Variants in SLC17A5 observed in about 807,000 individuals in gnomAD.
The protein encoded by SLC17A5 is solute carrier family 17 member 5.
SLC17A5 carries 47 observed loss-of-function variants against 59.4 expected under a neutral mutation model. The observed-to-expected ratio is 0.79, with a 90% confidence interval of 0.63 to 1.01. The LOEUF (loss-of-function observed/expected upper bound fraction) is 1.01. Among genes scored for constraint, SLC17A5 ranks in the 50% least tolerant of loss-of-function variants. The probability of loss-of-function intolerance (pLI) is 0.00; values close to 1 mark genes in which losing one functional copy is unlikely to be tolerated. For synonymous variants in SLC17A5, 202 were observed against 210.7 expected (o/e 0.96, Z 0.36); for missense variants, 522 against 595.5 (o/e 0.88, Z 1.28).
chr6:73,623,662 T>TTATATTTA (rs1405918135), intron 6 of SLC17A5, among the ~76,000 whole-genome samples: 1 of 136,698 alleles, frequency 7.3e-6, no homozygotes, highest in Non-Finnish European at 1.6e-5. Flanking sequence ...TGTCTTTTAT[T>TTATATTTA]TTTATTTATT....
At chr6:73,645,990 T>A (rs1769542855) in intron 1 of SLC17A5, among the ~76,000 whole-genome samples, 1 of 152,122 alleles carries the variant, frequency 6.6e-6, no homozygotes, top group South Asian at 2.1e-4. Flanking sequence ...AACCTCTTAG[T>A]AACAAAGAGA....
chr6:73,626,537 A>G (rs1187938678), intron 6 of SLC17A5, among the ~76,000 whole-genome samples: 1 of 152,228 alleles, frequency 6.6e-6, no homozygotes, highest in East Asian at 1.9e-4. Context: ...AAATGTTACT[A>G]GGAGAAACTA....
At chr6:73,632,033 G>A (rs567200) in intron 6 of SLC17A5, among the ~76,000 whole-genome samples, 20,252 of 110,448 alleles carry the variant, frequency 0.18, 2,338 homozygotes, top group African/African-American at 0.33. Flanking sequence ...GTTGTACAAG[G>A]TGACTCATGC....
Position 73,621,842 on chromosome 6 carries a change from T to A in SLC17A5, c.940A>T (p.Thr314Ser). Residue 314 changes from threonine to serine, a missense_variant, in exon 7 of 11, where the codon ACT becomes TCT. Around this residue, in one of 3 missense-constraint regions of SLC17A5, gnomAD observed 31 missense variants for 63.2 expected, o/e 0.49. Coordinates refer to ENST00000355773, the MANE Select transcript of SLC17A5 (RefSeq NM_012434.5). ...AACCTTAGGATCTCCTTCATATAAG[T>A]AGGCAATAATGTCAATAAAGTATAA... is the stretch of plus-strand genomic sequence containing the variant. Reference protein sequence around the residue: ...TFYTLLTLLPTYMKEILRFNV... With the variant: ...TFYTLLTLLPSYMKEILRFNV... 1 of 1,612,772 alleles carries A rather than the reference T, an allele frequency of 6.2e-7. No individual in the cohort carries two copies.
At chr6:73,650,272 G>A (rs2150125190) in intron 1 of SLC17A5, among the ~76,000 whole-genome samples, 1 of 151,616 alleles carries the variant, frequency 6.6e-6, no homozygotes, top group African/African-American at 2.4e-5. Context: ...CACTCTGGGA[G>A]GCCGAGGCAG....
chr6:73,619,296 T>C (rs1768024879), intron 7 of SLC17A5, among the ~76,000 whole-genome samples: 1 of 152,112 alleles, frequency 6.6e-6, no homozygotes, highest in Non-Finnish European at 1.5e-5. Context: ...GCACAAATCT[T>C]CAATTCATAA....
rs577447297 is a variant in SLC17A5 at position 73,594,175 on chromosome 6, C to G, written c.*902G>C. The G allele has an allele frequency of 2.0e-5, 3 of 152,196 alleles. No individual in the cohort carries two copies. In the East Asian group the frequency reaches 5.8e-4, roughly 29 times the overall value. The allele number at this position is 152,196 out of a possible 1,614,324, so 9.4% of individuals were successfully genotyped here. On this transcript the variant is annotated 3_prime_UTR_variant, in exon 11 of 11. Transcript: ENST00000355773. ...CTGGGATTACAGGCGCCCGTCACCACGCCCAGCTAATTTTTTGTATTTTTA... is the reference window on the plus strand; with the variant it reads ...CTGGGATTACAGGCGCCCGTCACCAGGCCCAGCTAATTTTTTGTATTTTTA...
intron 7 of SLC17A5, chr6:73,618,610 T>C (rs1055377759): frequency 2.1e-6 from 1 of 465,258 alleles, no homozygotes; most frequent in Non-Finnish European, 4.1e-6. Flanking sequence ...GCACTCTGAA[T>C]CAAGATGAGT....
At position 73,653,777 on chromosome 6, in the gene SLC17A5, C is replaced by T; in HGVS notation, c.94+16G>A. The T allele has an allele frequency of 6.4e-7, 1 of 1,566,818 alleles. No homozygotes were observed. ...CCGCTGCCCACTCGAAGCCCCTGGA[C>T]GACCCCGCCGCTTACCGGCTTCGGC... On this transcript the variant is annotated intron_variant, in intron 1 of 10. Transcript: ENST00000355773.
At chr6:73,633,396 T>C (rs1047809211) in intron 6 of SLC17A5, among the ~76,000 whole-genome samples, 9 of 151,652 alleles carry the variant, frequency 5.9e-5, no homozygotes, top group Non-Finnish European at 1.3e-4. Context: ...TGTTAAAGAG[T>C]ACATTTTTCC....
chr6:73,614,037 G>A (rs373092339), intron 8 of SLC17A5, among the ~76,000 whole-genome samples: 12 of 152,176 alleles, frequency 7.9e-5, no homozygotes, highest in East Asian at 7.7e-4. Flanking sequence ...AGGCCAAGGC[G>A]GGCAGATGAC....
chr6:73,610,665 G>T, intron 8 of SLC17A5, 118 bp from the exon 9 acceptor site: 2 of 1,085,432 alleles, frequency 1.8e-6, no homozygotes, highest in South Asian at 1.4e-5. Context: ...ACACTATATT[G>T]CCTGGAAGAC....
At chr6:73,622,449 AC>A (rs1768196288) in intron 6 of SLC17A5, among the ~76,000 whole-genome samples, 1 of 151,768 alleles carries the variant, frequency 6.6e-6, no homozygotes, top group African/African-American at 2.4e-5. Context: ...TTATAGGCAT[AC>A]TCCACCAGGC....
At chr6:73,648,813 A>C (rs1257676917) in intron 1 of SLC17A5, among the ~76,000 whole-genome samples, 1 of 152,100 alleles carries the variant, frequency 6.6e-6, no homozygotes, top group African/African-American at 2.4e-5. Context: ...CAGTAGGGAC[A>C]GATGGAACAA....
intron 9 of SLC17A5, among the ~76,000 whole-genome samples, chr6:73,605,137 AC>A (rs1333608059): frequency 6.6e-6 from 1 of 152,110 alleles, no homozygotes; most frequent in Non-Finnish European, 1.5e-5. Context: ...GAGCCACTGC[AC>A]CCAGCTGGAT....
At chr6:73,609,923 G>T (rs1767571894) in intron 9 of SLC17A5, among the ~76,000 whole-genome samples, 1 of 152,244 alleles carries the variant, frequency 6.6e-6, no homozygotes, top group South Asian at 2.1e-4. Context: ...CTGTTGAGAA[G>T]ATGAAATTGC....
At chr6:73,602,247 C>T (rs1460971980) in intron 9 of SLC17A5, among the ~76,000 whole-genome samples, 1 of 148,792 alleles carries the variant, frequency 6.7e-6, no homozygotes, top group East Asian at 1.9e-4. Flanking sequence ...GCAGCATGCT[C>T]GTTAAGAATC....
intron 6 of SLC17A5, among the ~76,000 whole-genome samples, chr6:73,632,948 AC>A (rs1473606828): frequency 6.6e-6 from 1 of 152,026 alleles, no homozygotes; most frequent in African/African-American, 2.4e-5. Flanking sequence ...AAAGTGGGTA[AC>A]TCAATTAACA....
chr6:73,641,208 T>C (rs1473128553), intron 3 of SLC17A5, among the ~76,000 whole-genome samples: 1 of 152,078 alleles, frequency 6.6e-6, no homozygotes, highest in Non-Finnish European at 1.5e-5. Flanking sequence ...TCCTCCCGAG[T>C]AGCTGCAATT....
Sources: allele counts gnomAD v4.1 joint callset (sites outside exome capture counted in the v4.1 genomes callset), GRCh38; gene constraint gnomAD v4.1.1; regional missense constraint gnomAD v4.1.1; transcripts MANE v1.5; gene names NCBI Gene and HGNC (gene_info 2026-07-23, HGNC 2026-07-21).